The following E2F3 variants were observed in gnomAD, a reference collection of about 807,000 sequenced individuals.
E2F3 encodes E2F transcription factor 3.
In E2F3, 11 loss-of-function variants were observed where a neutral mutation model predicts 44.4. That is an observed-to-expected ratio of 0.25 (90% CI 0.16 to 0.41). E2F3 has a LOEUF of 0.41. Among genes scored for constraint, E2F3 ranks in the 10% least tolerant of loss-of-function variants. The pLI is 1.00. For missense variants in E2F3, 487 were observed against 583.6 expected, an observed-to-expected ratio of 0.83 and a Z score of 1.70; for synonymous variants, 249 against 253.0, an observed-to-expected ratio of 0.98 and a Z score of 0.15.
At chr6:20,460,932 G>A (rs1267469855) in intron 1 of E2F3, among the ~76,000 whole-genome samples, 1 of 139,506 alleles carries the variant, frequency 7.2e-6, no homozygotes, top group Non-Finnish European at 1.5e-5. Flanking sequence ...GGAGATGGAA[G>A]TTCCAGTGAG....
chr6:20,426,730 C>T (rs1213605522), intron 1 of E2F3, among the ~76,000 whole-genome samples: 1 of 152,224 alleles, frequency 6.6e-6, no homozygotes, highest in Admixed American at 6.5e-5. Context: ...AGGGCTTAAA[C>T]TTGAACTCTG....
chr6:20,421,040 C>G (rs1203691809), intron 1 of E2F3, among the ~76,000 whole-genome samples: 1 of 152,184 alleles, frequency 6.6e-6, no homozygotes, highest in Non-Finnish European at 1.5e-5. Flanking sequence ...CAAGAAATCG[C>G]TTTATTTGCT....
At chr6:20,466,948 G>A (rs534399446) in intron 1 of E2F3, among the ~76,000 whole-genome samples, 1 of 152,246 alleles carries the variant, frequency 6.6e-6, no homozygotes, top group East Asian at 1.9e-4. Context: ...CCAAAGTGCT[G>A]GGATTACAGG....
chr6:20,482,230 G>A (rs1257577857), intron 3 of E2F3, among the ~76,000 whole-genome samples: 1 of 151,820 alleles, frequency 6.6e-6, no homozygotes, highest in East Asian at 1.9e-4. Context: ...CTCAGTTCTT[G>A]CATACATCAC....
intron 1 of E2F3, among the ~76,000 whole-genome samples, chr6:20,412,688 T>G (rs1759715342): frequency 6.6e-6 from 1 of 152,178 alleles, no homozygotes. Context: ...AAAGGGGGCC[T>G]TGGGACCTGG....
At chr6:20,450,481 T>C (rs957529092) in intron 1 of E2F3, among the ~76,000 whole-genome samples, 1 of 152,214 alleles carries the variant, frequency 6.6e-6, no homozygotes, top group African/African-American at 2.4e-5. Context: ...TGTTTGTTTT[T>C]TTCTTGTAAA....
At chr6:20,477,096 C>A (rs1227725134) in intron 1 of E2F3, among the ~76,000 whole-genome samples, 1 of 152,106 alleles carries the variant, frequency 6.6e-6, no homozygotes, top group Non-Finnish European at 1.5e-5. Context: ...TTAGATAGAT[C>A]TTTTGACTCC....
At position 20,492,571 on chromosome 6, in the gene E2F3, G is replaced by A. The variant is rs1332348687; in HGVS notation, c.*2141G>A. 8.6e-6 allele frequency: 2 copies of A among 232,824 alleles called. No homozygotes were observed. Among genetic ancestry groups the A allele is most frequent in the East Asian group, 1.2e-4 (2 of 16,616 alleles). The allele number at this position is 232,824 out of a possible 1,614,324, so 14.4% of individuals were successfully genotyped here. On this transcript the variant is annotated 3_prime_UTR_variant, in exon 7 of 7. Coordinates refer to ENST00000346618, the MANE Select transcript of E2F3 (RefSeq NM_001949.5). ...TAGCTGCCTCTGCTTCCAGCTTTGT[G>A]TAATTCTCTTTGCCAGCTGCACAAA...
rs192088136 is a variant in E2F3, at chr6:20,402,804, G to A, written c.393+179G>A. On this transcript the variant is annotated intron_variant, in intron 1 of 6. Coordinates refer to ENST00000346618, the MANE Select transcript of E2F3 (RefSeq NM_001949.5). This position sits in a 1 kb window ranked among gnomAD's most constrained non-coding sequence, Gnocchi z 5.6. ...ACCTGAGTGCTCTTCCCGGCGCCAGGAGGGTCGGGGGGCTCGGCCAGGCGC... is the reference window on the plus strand; with the variant it reads ...ACCTGAGTGCTCTTCCCGGCGCCAGAAGGGTCGGGGGGCTCGGCCAGGCGC... Among the ~76,000 whole-genome samples the A allele has an allele frequency of 2.0e-5, 3 of 152,074 alleles. No homozygotes were observed. The highest frequency in any genetic ancestry group is 7.2e-5 in the African/African-American group (3 of 41,416).
At chr6:20,435,776 C>T (rs1226355770) in intron 1 of E2F3, among the ~76,000 whole-genome samples, 1 of 151,962 alleles carries the variant, frequency 6.6e-6, no homozygotes, top group African/African-American at 2.4e-5. Context: ...AAAGTAAATT[C>T]ATTGACTTGC....
intron 3 of E2F3, among the ~76,000 whole-genome samples, 164 bp from the exon 4 acceptor site, chr6:20,482,598 A>AT (rs201067755): frequency 0.038 from 4,726 of 124,978 alleles, 107 homozygotes; most frequent in Non-Finnish European, 0.051. Context: ...ATGAAAAAAA[A>AT]AATATATATA....
intron 1 of E2F3, among the ~76,000 whole-genome samples, chr6:20,420,520 A>T (rs1262728153): frequency 1.3e-5 from 2 of 152,170 alleles, no homozygotes; most frequent in African/African-American, 4.8e-5. Flanking sequence ...AGAGCACAGC[A>T]ATAAAGCAAA....
Position 20,488,126 on chromosome 6 carries a change from A to G in E2F3, c.1013A>G (p.His338Arg), listed in dbSNP as rs765034677. The change falls in exon 6 of 7, where the codon CAT (histidine) becomes CGT (arginine). Residue 338 changes from histidine to arginine, a missense_variant. This residue lies in a region of E2F3 where 220 missense variants were observed against 261.7 expected (regional missense o/e 0.84). Transcript: ENST00000346618. Reference protein sequence around the residue: ...VPDSIESLQIHLASTQGPIEV... With the variant: ...VPDSIESLQIRLASTQGPIEV... The stretch of plus-strand genomic sequence containing the variant: ...TTCTGTTCATAGAGCCTACAAATAC[A>G]TTTGGCAAGTACCCAAGGGCCCATT... 13 of 1,613,972 alleles carry G rather than the reference A, an allele frequency of 8.1e-6. No individual in the cohort carries two copies. Among genetic ancestry groups the G allele is most frequent in the African/African-American group, 1.3e-5 (1 of 74,924 alleles).
At chr6:20,460,679 G>C (rs192321864) in intron 1 of E2F3, among the ~76,000 whole-genome samples, 173 of 152,152 alleles carry the variant, frequency 1.1e-3, no homozygotes, top group Middle Eastern at 6.8e-3. Context: ...ATTCCCAGAA[G>C]TACACTTGTA....
chr6:20,483,231 T>C (rs953999766), intron 4 of E2F3, among the ~76,000 whole-genome samples: 4 of 152,176 alleles, frequency 2.6e-5, no homozygotes, highest in African/African-American at 9.7e-5. Context: ...ACTCGTAGCG[T>C]AAGGCCACAC....
intron 1 of E2F3, among the ~76,000 whole-genome samples, chr6:20,473,608 A>G (rs976816861): frequency 6.6e-6 from 1 of 152,190 alleles, no homozygotes; most frequent in African/African-American, 2.4e-5. Flanking sequence ...GGCTCACACA[A>G]ATGAAAGTCT....
intron 1 of E2F3, among the ~76,000 whole-genome samples, chr6:20,466,760 G>T (rs1257866432): frequency 6.7e-6 from 1 of 149,862 alleles, no homozygotes; most frequent in Non-Finnish European, 1.5e-5. Flanking sequence ...TCTGCTCACT[G>T]CAATCTCCGC....
chr6:20,402,632 C>A lies in E2F3; in HGVS notation c.393+7C>A. ...CGGCGGCGGCGGCCCTCCGGTAATA[C>A]CCTCCCTCCCCACCGTCCCCAGCCC... On this transcript the variant is annotated splice_region_variant and intron_variant, in intron 1 of 6. Coordinates refer to ENST00000346618, the MANE Select transcript of E2F3 (RefSeq NM_001949.5). This position sits in a 1 kb window ranked among gnomAD's most constrained non-coding sequence, Gnocchi z 5.6. 3 of 1,329,656 alleles carry A rather than the reference C, an allele frequency of 2.3e-6. No individual in the cohort carries two copies. Among genetic ancestry groups the A allele is most frequent in the South Asian group, 4.2e-5 (2 of 48,172 alleles). 82.4% of individuals were successfully genotyped at this position (1,329,656 alleles called of 1,614,324 possible).
chr6:20,470,752 TA>T (rs1366242867), intron 1 of E2F3, among the ~76,000 whole-genome samples: 3 of 152,212 alleles, frequency 2.0e-5, no homozygotes, highest in Non-Finnish European at 4.4e-5. Flanking sequence ...TTTGTTAACA[TA>T]CAGCAGGCCA....
Sources: gnomAD v4.1 joint callset for allele counts (sites outside exome capture counted in the v4.1 genomes callset) on GRCh38, gnomAD v4.1.1 for gene constraint, gnomAD v4.1.1 regional missense constraint, Gnocchi (gnomAD v3.1) non-coding constraint, MANE v1.5 for transcripts, NCBI Gene and HGNC (gene_info 2026-07-23, HGNC 2026-07-21) for gene names.